DCAF13: variants seen among roughly 807,000 people sequenced by gnomAD.
DCAF13 encodes DDB1- and CUL4-associated factor 13.
Under a neutral mutation model 59.0 loss-of-function variants are expected in DCAF13, and 38 were observed. The observed-to-expected ratio is 0.64, with a 90% confidence interval of 0.50 to 0.84. The LOEUF is 0.84. Ranked by LOEUF, DCAF13 falls within the 40% of genes least tolerant of loss-of-function variation. DCAF13 has a pLI of 0.00. For synonymous variants in DCAF13, 173 were observed against 175.0 expected (o/e 0.99, Z 0.09); for missense variants, 469 against 558.4 (o/e 0.84, Z 1.61).
chr8:103,432,756 T>C lies in DCAF13; in HGVS notation c.785+15T>C. 4.7e-6 allele frequency: 7 copies of C among 1,505,088 alleles called. No homozygotes were observed. Among genetic ancestry groups the C allele is most frequent in the Non-Finnish European group, 6.5e-6 (7 of 1,084,970 alleles). 93.2% of individuals were successfully genotyped at this position (1,505,088 alleles called of 1,614,324 possible). On this transcript the variant is annotated intron_variant, in intron 7 of 10. Transcript: ENST00000612750. Reference sequence around the variant, plus strand: ...GAAGATTATAAGTAAGTTTCCCTCTTTTAAAAACTTGTGTATTTCTATCAT... The same window carrying C: ...GAAGATTATAAGTAAGTTTCCCTCTCTTAAAAACTTGTGTATTTCTATCAT...
intron 4 of DCAF13, 30 bp downstream of exon 4, chr8:103,426,175 C>T: frequency 7.7e-7 from 1 of 1,290,426 alleles, no homozygotes; most frequent in Non-Finnish European, 1.1e-6. Flanking sequence ...AATAGCTTGC[C>T]TATTAACATT....
Position 103,425,505 on chromosome 8 carries a change from A to G in DCAF13, c.379-551A>G, listed in dbSNP as rs967404552. Among the ~76,000 whole-genome samples, 4 of 152,208 alleles carry G rather than the reference A, an allele frequency of 2.6e-5. No individual in the cohort carries two copies. In the East Asian group the frequency reaches 5.8e-4, roughly 22 times the overall value. On this transcript the variant is annotated intron_variant, in intron 3 of 10. Transcript: ENST00000612750. ...AATAGTTTTGACTGTGTGGACCCTG[A>G]AAAGTTCTCAGGGTCCTCCAGAGGC...
At chr8:103,441,672 T>C in intron 10 of DCAF13, 54 bp downstream of exon 10, 1 of 1,547,156 alleles carries the variant, frequency 6.5e-7, no homozygotes, top group Admixed American at 2.1e-5. Context: ...TGCTCTCATC[T>C]CACCAAAAAC....
intron 1 of DCAF13, 123 bp from the exon 2 acceptor site, chr8:103,420,138 ATTC>A (rs1816702453): frequency 1.2e-6 from 1 of 823,642 alleles, no homozygotes; most frequent in Admixed American, 2.9e-5. Context: ...CTACTTTTGT[ATTC>A]TTAGTGTTAG....
rs1388275583 is a variant in DCAF13, at chr8:103,427,097, A to T, written c.469A>T (p.Thr157Ser). 16 of 1,593,204 alleles carry T rather than the reference A, an allele frequency of 1.0e-5. No individual in the cohort carries two copies. The highest frequency in any genetic ancestry group is 1.2e-5 in the Non-Finnish European group (14 of 1,174,534). The change falls in exon 5 of 11, where the codon ACA (threonine) becomes TCA (serine). Residue 157 changes from threonine to serine, a missense_variant and splice_region_variant. Physicochemically the swap from Thr to Ser is moderately conservative, Grantham distance 58 (BLOSUM62 1). Transcript: ENST00000612750. Reference sequence around the variant, plus strand: ...CCTCTTAACCTTTTTGCTTTTAAAGACAGTGTATACTGGGATTGATCATCA... The same window carrying T: ...CCTCTTAACCTTTTTGCTTTTAAAGTCAGTGTATACTGGGATTGATCATCA... ...EEPLHTILGK[T>S]VYTGIDHHWK...
Position 103,421,041 on chromosome 8 carries a change from C to A in DCAF13, c.337C>A (p.Arg113=). 6.2e-7 allele frequency: 1 copy of A among 1,613,420 alleles called. No individual in the cohort carries two copies. The highest frequency in any genetic ancestry group is 8.5e-7 in the Non-Finnish European group (1 of 1,179,526). ...RTIQAHEGFV[R]GICTRFCGTS... ...AATACAAGCACATGAAGGCTTTGTA[C>A]GAGGAATATGTACTCGCTTTTGTGG... The change falls in exon 3 of 11, where the codon CGA becomes AGA. Residue 113 remains arginine (R), a synonymous_variant. Coordinates refer to ENST00000612750, the MANE Select transcript of DCAF13 (RefSeq NM_015420.7).
In DCAF13 at chr8:103,418,823, A is replaced by ATT. The variant is rs1337372012; in HGVS notation, c.71-1440_71-1439dup. ...AGCTTAAAATTACTTTCTAAGCATA[A>ATT]TTATATATATATATATATATATATA... On this transcript the variant is annotated intron_variant, in intron 1 of 10. Transcript: ENST00000612750. Among the ~76,000 whole-genome samples, 53 of 69,502 alleles carry ATT rather than the reference A, an allele frequency of 7.6e-4. 1 individual carries two copies. In the South Asian group the frequency reaches 8.7e-3, roughly 11 times the overall value. 45.6% of individuals were successfully genotyped at this position (69,502 alleles called of 152,430 possible). A position where few individuals can be genotyped will look rare whatever the true frequency, so the allele number is the denominator to read the frequency against.
Position 103,415,430 on chromosome 8 carries a change from C to T in DCAF13, c.-17C>T, listed in dbSNP as rs1383953505. On this transcript the variant is annotated 5_prime_UTR_variant, in exon 1 of 11. Coordinates refer to ENST00000612750, the MANE Select transcript of DCAF13 (RefSeq NM_015420.7). Reference sequence around the variant, plus strand: ...CTAGCGGACACCTCGTGGAGTCCGGCCGGAAGAGCAACCGAGATGAAGGTG... The same window carrying T: ...CTAGCGGACACCTCGTGGAGTCCGGTCGGAAGAGCAACCGAGATGAAGGTG... 6.8e-6 allele frequency: 11 copies of T among 1,614,022 alleles called. No individual in the cohort carries two copies. Among genetic ancestry groups the T allele is most frequent in the East Asian group, 2.2e-5 (1 of 44,888 alleles).
chr8:103,418,055 G>C (rs1478120614), intron 1 of DCAF13, among the ~76,000 whole-genome samples: 2 of 151,700 alleles, frequency 1.3e-5, no homozygotes, highest in East Asian at 3.9e-4. Flanking sequence ...GTGAACCCGG[G>C]AGGTGGAGCT....
At chr8:103,442,336 GT>G (rs1302118922) in intron 10 of DCAF13, 1 of 152,350 alleles carries the variant, frequency 6.6e-6, no homozygotes, top group Admixed American at 6.5e-5. Flanking sequence ...AGTAAAAAGT[GT>G]TCTGATATAC....
rs1816789531 is a variant in DCAF13, at chr8:103,426,105, A to ATAAACCTAACACC, written c.429_430insAAACCTAACACCT (p.Gly144LysfsTer24). The ATAAACCTAACACC allele has an allele frequency of 6.2e-7, 1 of 1,612,576 alleles. No homozygotes were observed. The highest frequency in any genetic ancestry group is 1.3e-5 in the African/African-American group (1 of 74,900). ...CAGTGGAAAATGGATGGGCCAGGCTATGGAGACGAGGAAGAGCCATTACAT... is the reference window on the plus strand; with the variant it reads ...CAGTGGAAAATGGATGGGCCAGGCTATAAACCTAACACCTGGAGACGAGGAAGAGCCATTACAT... On this transcript the variant is annotated frameshift_variant, in exon 4 of 11. Transcript: ENST00000612750. LOFTEE classifies it high-confidence loss of function.
rs1008643810 is a variant in DCAF13, at chr8:103,420,162, A to G, written c.71-102A>G. 3.9e-6 allele frequency: 4 copies of G among 1,029,636 alleles called. No individual in the cohort carries two copies. The Admixed American group carries it at 6.5e-5, about 17-fold the overall frequency. The allele number at this position is 1,029,636 out of a possible 1,614,324, so 63.8% of individuals were successfully genotyped here. A position where few individuals can be genotyped will look rare whatever the true frequency, so the allele number is the denominator to read the frequency against. On this transcript the variant is annotated intron_variant, in intron 1 of 10. Transcript: ENST00000612750. ...TATTCTTAGTGTTAGGCATAGAACA[A>G]TGTCACTAACTAAATGCTTATTGAA... is the stretch of plus-strand genomic sequence containing the variant.
rs1273723153 is a variant in DCAF13 at position 103,415,458 on chromosome 8, G to A, written c.12G>A (p.Lys4=). Residue 4 remains lysine (K), a synonymous_variant, in exon 1 of 11, where the codon AAG becomes AAA. Coordinates refer to ENST00000612750, the MANE Select transcript of DCAF13 (RefSeq NM_015420.7). ...GAAGAGCAACCGAGATGAAGGTGAAGATGCTGAGCCGGAATCCGGACAATT... is the reference window on the plus strand; with the variant it reads ...GAAGAGCAACCGAGATGAAGGTGAAAATGCTGAGCCGGAATCCGGACAATT... MKV[K]MLSRNPDNYV... The A allele has an allele frequency of 9.9e-6, 16 of 1,614,066 alleles. No individual in the cohort carries two copies. The highest frequency in any genetic ancestry group is 1.4e-5 in the Non-Finnish European group (16 of 1,179,946).
chr8:103,415,596 G>T, intron 1 of DCAF13, 80 bp downstream of exon 1: 6 of 1,369,974 alleles, frequency 4.4e-6, no homozygotes, highest in Non-Finnish European at 5.9e-6. Context: ...AGTAAAGCCG[G>T]GGGAGGCTGG....
At chr8:103,420,566 A>G (rs928538909) in intron 2 of DCAF13, 103 bp downstream of exon 2, 12 of 1,248,108 alleles carry the variant, frequency 9.6e-6, no homozygotes, top group African/African-American at 4.6e-5. Context: ...TTGGATTTCA[A>G]TTTACTTCTC....
chr8:103,439,430 C>G (rs1816976697), intron 8 of DCAF13: 1 of 141,554 alleles, frequency 7.1e-6, no homozygotes, highest in Admixed American at 7.2e-5. Flanking sequence ...ACTCTGTCAC[C>G]CACGCTGGAG....
At chr8:103,435,577 T>A (rs1461973917) in intron 7 of DCAF13, 49 bp from the exon 8 acceptor site, 2 of 1,429,752 alleles carry the variant, frequency 1.4e-6, no homozygotes, top group Non-Finnish European at 1.9e-6. Context: ...GTACTGCATA[T>A]GGCATCTTTC....
intron 5 of DCAF13, chr8:103,429,515 G>A (rs1039365946): frequency 6.6e-6 from 1 of 152,202 alleles, no homozygotes; most frequent in Non-Finnish European, 1.5e-5. Flanking sequence ...GAGGAGGAAT[G>A]ATGCTACAGA....
intron 3 of DCAF13, among the ~76,000 whole-genome samples, chr8:103,422,737 A>T: frequency 6.6e-6 from 1 of 152,220 alleles, no homozygotes; most frequent in Non-Finnish European, 1.5e-5. Flanking sequence ...TAATCAGTCA[A>T]ATAGATCTTC....
Sources: allele counts gnomAD v4.1 joint callset (sites outside exome capture counted in the v4.1 genomes callset), GRCh38; gene constraint gnomAD v4.1.1; transcripts MANE v1.5; gene names NCBI Gene and HGNC (gene_info 2026-07-23, HGNC 2026-07-21).